The following LIAS variants were observed in gnomAD, a reference collection of about 807,000 sequenced individuals.
LIAS encodes the protein lipoic acid synthetase.
LIAS carries 36 observed loss-of-function variants against 49.4 expected under a neutral mutation model. The observed-to-expected ratio is 0.73, with a 90% CI of 0.56 to 0.96. The LOEUF is 0.96. Among genes scored for constraint, LIAS ranks in the 40% least tolerant of loss-of-function variants. The probability of loss-of-function intolerance (pLI) is 0.00; values close to 1 mark genes in which losing one functional copy is unlikely to be tolerated. For synonymous variants in LIAS, 145 were observed against 155.8 expected, an observed-to-expected ratio of 0.93 and a Z score of 0.52; for missense variants, 399 against 456.3, an observed-to-expected ratio of 0.87 and a Z score of 1.14.
chr4:39,462,809 A>G (rs1744575438), intron 3 of LIAS, among the ~76,000 whole-genome samples: 1 of 152,116 alleles, frequency 6.6e-6, no homozygotes. Context: ...ACATGGTGAA[A>G]CCCCGTCTCT....
chr4:39,475,289 G>T (rs940941277), intron 10 of LIAS: 32 of 152,312 alleles, frequency 2.1e-4, no homozygotes, highest in Admixed American at 1.9e-3. Flanking sequence ...GCTGAGGCAG[G>T]AAAATTGCTT....
In LIAS at chr4:39,459,085, C is replaced by T. The variant is rs1285907400; in HGVS notation, c.-33C>T. The stretch of plus-strand genomic sequence containing the variant: ...CCTTTCCCGGGAGTTAGCGATCCCT[C>T]AACCCCTGCACTGCGCTAGTCCTAA... On this transcript the variant is annotated 5_prime_UTR_variant, in exon 1 of 11. Coordinates refer to ENST00000640888, the MANE Select transcript of LIAS (RefSeq NM_006859.4). 4.3e-6 allele frequency: 7 copies of T among 1,613,538 alleles called. No individual in the cohort carries two copies. The highest frequency in any genetic ancestry group is 5.1e-6 in the Non-Finnish European group (6 of 1,179,454).
At position 39,477,141 on chromosome 4, in the gene LIAS, C is replaced by T; in HGVS notation, c.*26C>T. The T allele has an allele frequency of 6.4e-7, 1 of 1,570,790 alleles. No homozygotes were observed. The highest frequency in any genetic ancestry group is 1.2e-5 in the South Asian group (1 of 85,660). On this transcript the variant is annotated 3_prime_UTR_variant, in exon 11 of 11. Transcript: ENST00000640888. ...AACTTCAACAAGACCTTCAAGATCA[C>T]AGAAATTTTTAAAATTTGATTCCAG...
At chr4:39,467,761 CT>C in intron 7 of LIAS, 115 bp downstream of exon 7, 1 of 1,113,578 alleles carries the variant, frequency 9.0e-7, no homozygotes, top group Middle Eastern at 2.2e-4. Context: ...AAACTCTATT[CT>C]TTTTTGTTTT....
At position 39,462,284 on chromosome 4, in the gene LIAS, C is replaced by T; in HGVS notation, c.307C>T (p.His103Tyr). 2.0e-6 allele frequency: 3 copies of T among 1,513,074 alleles called. No individual in the cohort carries two copies. Among genetic ancestry groups the T allele is most frequent in the Non-Finnish European group, 2.7e-6 (3 of 1,116,402 alleles). The allele number at this position is 1,513,074 out of a possible 1,614,324, so 93.7% of individuals were successfully genotyped here. A position where few individuals can be genotyped will look rare whatever the true frequency, so the allele number is the denominator to read the frequency against. The stretch of plus-strand genomic sequence containing the variant: ...AAATACTTTGCGGAATTTAAATCTC[C>T]ATACAGTAAGTTGTCAAAGTGTAAA... ...LKNTLRNLNL[H>Y]TVCEEARCPN... is the part of the protein sequence containing the mutation. The change falls in exon 3 of 11, where the codon CAT becomes TAT. Residue 103 changes from histidine (H) to tyrosine (Y), a missense_variant. Physicochemically the swap from His to Tyr is moderately conservative, Grantham distance 83. This residue lies in a region of LIAS where 159 missense variants were observed against 147.6 expected (regional missense o/e 1.08). Transcript: ENST00000640888.
rs1744801877 is a variant in LIAS at position 39,467,437 on chromosome 4, C to T, written c.609-81C>T. 11 of 1,369,012 alleles carry T rather than the reference C, an allele frequency of 8.0e-6. No homozygotes were observed. The Admixed American group carries it at 2.0e-4, about 24-fold the overall frequency. The allele number at this position is 1,369,012 out of a possible 1,614,324, so 84.8% of individuals were successfully genotyped here. A position where few individuals can be genotyped will look rare whatever the true frequency, so the allele number is the denominator to read the frequency against. Reference sequence around the variant, plus strand: ...GGTTACTGTGTTGAAGCATACTGAACGATTACTGATAATTTCTATTTTGAG... The same window carrying T: ...GGTTACTGTGTTGAAGCATACTGAATGATTACTGATAATTTCTATTTTGAG... On this transcript the variant is annotated intron_variant, in intron 6 of 10. Coordinates refer to ENST00000640888, the MANE Select transcript of LIAS (RefSeq NM_006859.4).
At position 39,477,982 on chromosome 4, in the gene LIAS, A is replaced by C. The variant is rs994277564; in HGVS notation, c.*867A>C. ...ACTGCTCTCCAGACTCTGTCTTGAA[A>C]AAAAAACCCAAAAACTTCCAGAAGA... On this transcript the variant is annotated 3_prime_UTR_variant, in exon 11 of 11. Coordinates refer to ENST00000640888, the MANE Select transcript of LIAS (RefSeq NM_006859.4). The C allele has an allele frequency of 1.1e-4, 17 of 152,204 alleles. No individual in the cohort carries two copies. The highest frequency in any genetic ancestry group is 4.1e-4 in the African/African-American group (17 of 41,444). The allele number at this position is 152,204 out of a possible 1,614,324, so 9.4% of individuals were successfully genotyped here.
intron 6 of LIAS, chr4:39,466,572 A>C (rs1450007302): frequency 6.6e-6 from 1 of 152,148 alleles, no homozygotes; most frequent in African/African-American, 2.4e-5. Context: ...TAAATTAAAA[A>C]AAAAAAATAG....
At chr4:39,462,433 T>C (rs2109870737) in intron 3 of LIAS, 144 bp downstream of exon 3, 2 of 303,410 alleles carry the variant, frequency 6.6e-6, no homozygotes, top group South Asian at 8.5e-5. Flanking sequence ...GGAATGGAAA[T>C]ATATTTAGAA....
rs1481336454 is a variant in LIAS at position 39,473,133 on chromosome 4, T to C, written c.988T>C (p.Tyr330His). The C allele has an allele frequency of 3.7e-6, 6 of 1,610,046 alleles. No homozygotes were observed. Among genetic ancestry groups the C allele is most frequent in the African/African-American group, 1.3e-5 (1 of 74,864 alleles). The change falls in exon 10 of 11, where the codon TAC (tyrosine) becomes CAC (histidine). Residue 330 changes from tyrosine to histidine, a missense_variant. Coordinates refer to ENST00000640888, the MANE Select transcript of LIAS (RefSeq NM_006859.4). ...ATATATTACTCCTGAAAAATTCAAA[T>C]ACTGGGAAAAAGTAGGAAATGAACT... ...EEYITPEKFKYWEKVGNELGF... is the reference protein window; with the variant it reads ...EEYITPEKFKHWEKVGNELGF...
At chr4:39,464,314 C>G (rs1425350427) in intron 4 of LIAS, 1 of 147,140 alleles carries the variant, frequency 6.8e-6, no homozygotes, top group Non-Finnish European at 1.5e-5. Flanking sequence ...CCAGCCTAGA[C>G]TACAGAGCAA....
At position 39,471,326 on chromosome 4, in the gene LIAS, C is replaced by CTTTTTTT. The variant is rs67611743; in HGVS notation, c.954+31_954+37dup. The CTTTTTTT allele has an allele frequency of 1.4e-5, 18 of 1,243,108 alleles. No homozygotes were observed. The highest frequency in any genetic ancestry group is 8.1e-5 in the African/African-American group (5 of 61,842). 77.0% of individuals were successfully genotyped at this position (1,243,108 alleles called of 1,614,324 possible). ...CTTAAGGTACATGTATCTTGATTTG[C>CTTTTTTT]TTTTTTTTTTTTTTTTTATTTTTAA... On this transcript the variant is annotated intron_variant, in intron 9 of 10. Coordinates refer to ENST00000640888, the MANE Select transcript of LIAS (RefSeq NM_006859.4).
intron 7 of LIAS, among the ~76,000 whole-genome samples, chr4:39,468,662 T>G (rs535288944): frequency 1.0e-3 from 154 of 149,120 alleles, no homozygotes; most frequent in African/African-American, 3.5e-3. Context: ...GCGGATTACC[T>G]GAGGTTGGGA....
chr4:39,475,974 C>G (rs1745181842), intron 10 of LIAS: 1 of 152,190 alleles, frequency 6.6e-6, no homozygotes, highest in Admixed American at 6.5e-5. Flanking sequence ...CACTGAGTGA[C>G]AGAATGTGGG....
intron 9 of LIAS, among the ~76,000 whole-genome samples, chr4:39,472,483 C>G (rs948351250): frequency 6.6e-6 from 1 of 152,096 alleles, no homozygotes; most frequent in African/African-American, 2.4e-5. Flanking sequence ...GCTGCCTCCC[C>G]CATTCTCTTC....
At position 39,467,603 on chromosome 4, in the gene LIAS, G is replaced by A; in HGVS notation, c.694G>A (p.Asp232Asn). 1 of 1,605,468 alleles carries A rather than the reference G, an allele frequency of 6.2e-7. No individual in the cohort carries two copies. The highest frequency in any genetic ancestry group is 8.5e-7 in the Non-Finnish European group (1 of 1,175,602). ...AIEKVALSGL[D>N]VYAHNVETVP... The stretch of plus-strand genomic sequence containing the variant: ...AGAAAAAGTTGCTCTGTCAGGATTA[G>A]ATGTGTATGCACATAATGTAGAAAC... Residue 232 changes from aspartate to asparagine, a missense_variant, in exon 7 of 11, where the codon GAT (aspartate) becomes AAT (asparagine). This residue lies in a region of LIAS where 234 missense variants were observed against 292.2 expected (regional missense o/e 0.80). Transcript: ENST00000640888.
chr4:39,472,161 T>G (rs1745017487), intron 9 of LIAS, among the ~76,000 whole-genome samples: 1 of 152,042 alleles, frequency 6.6e-6, no homozygotes, highest in African/African-American at 2.4e-5. Flanking sequence ...ATACACATCT[T>G]ATTCTTATGA....
rs1744931307 is a variant in LIAS at position 39,470,179 on chromosome 4, A to T, written c.883+15A>T. 1.2e-6 allele frequency: 2 copies of T among 1,604,686 alleles called. No individual in the cohort carries two copies. Among genetic ancestry groups the T allele is most frequent in the African/African-American group, 2.7e-5 (2 of 74,634 alleles). Reference sequence around the variant, plus strand: ...AACAATGAAAGGTAAAGAAATTGAAAAATGAAAAATCTTTCCCATGTAATT... The same window carrying T: ...AACAATGAAAGGTAAAGAAATTGAATAATGAAAAATCTTTCCCATGTAATT... On this transcript the variant is annotated intron_variant, in intron 8 of 10. Transcript: ENST00000640888.
intron 6 of LIAS, chr4:39,466,205 A>C (rs1744749308): frequency 6.6e-6 from 1 of 152,058 alleles, no homozygotes; most frequent in African/African-American, 2.4e-5. Flanking sequence ...CAAACTCCTG[A>C]CCTCAACCAA....
Sources: gnomAD v4.1 joint callset for allele counts (sites outside exome capture counted in the v4.1 genomes callset) on GRCh38, gnomAD v4.1.1 for gene constraint, gnomAD v4.1.1 regional missense constraint, MANE v1.5 for transcripts, NCBI Gene and HGNC (gene_info 2026-07-23, HGNC 2026-07-21) for gene names.